IMMP2L: variants seen among roughly 807,000 people sequenced by gnomAD.
IMMP2L encodes the protein inner mitochondrial membrane peptidase subunit 2, also known as mitochondrial inner membrane protease subunit 2.
IMMP2L carries 18 observed loss-of-function variants against 19.3 expected under a neutral mutation model. The observed-to-expected ratio is 0.93, with a 90% CI of 0.64 to 1.38. The LOEUF (loss-of-function observed/expected upper bound fraction) is 1.38, where lower values mean the gene tolerates loss of function less well. Ranked by LOEUF, IMMP2L falls within the 40% of genes most tolerant of loss-of-function variation. The pLI is 0.00. For synonymous variants in IMMP2L, 76 were observed against 73.0 expected, an observed-to-expected ratio of 1.04 and a Z score of -0.21; for missense variants, 233 against 218.2, an observed-to-expected ratio of 1.07 and a Z score of -0.43.
chr7:111,387,142 T>C (rs902776522), intron 3 of IMMP2L, among the ~76,000 whole-genome samples: 31 of 152,316 alleles, frequency 2.0e-4, no homozygotes, highest in African/African-American at 7.2e-4. Context: ...TTTTCAAAAA[T>C]GATGAGGTTC....
At chr7:111,016,861 AATATATTAC>A (rs1825718926) in intron 3 of IMMP2L, among the ~76,000 whole-genome samples, 2 of 84,376 alleles carry the variant, frequency 2.4e-5, no homozygotes, top group African/African-American at 1.0e-4. Context: ...TATATTATAT[AATATATTAC>A]ATATAATATA....
intron 3 of IMMP2L, among the ~76,000 whole-genome samples, chr7:111,456,544 G>T (rs1039749458): frequency 4.6e-5 from 7 of 152,058 alleles, no homozygotes; most frequent in African/African-American, 1.7e-4. Context: ...GAACACTAAG[G>T]TCTTTTCCAA....
At chr7:111,427,543 T>C (rs959434965) in intron 3 of IMMP2L, among the ~76,000 whole-genome samples, 2 of 151,790 alleles carry the variant, frequency 1.3e-5, no homozygotes, top group Non-Finnish European at 2.9e-5. Flanking sequence ...CATTACCATA[T>C]TGAAATAGAA....
intron 3 of IMMP2L, among the ~76,000 whole-genome samples, chr7:111,110,347 T>A (rs926931163): frequency 1.3e-5 from 2 of 152,202 alleles, no homozygotes; most frequent in Non-Finnish European, 2.9e-5. Context: ...TATTCATTAT[T>A]ATGACAAAGT....
chr7:111,114,153 C>T (rs1274100813), intron 3 of IMMP2L, among the ~76,000 whole-genome samples: 1 of 152,002 alleles, frequency 6.6e-6, no homozygotes, highest in Non-Finnish European at 1.5e-5. Context: ...CACACACACA[C>T]ACACACACAT....
At chr7:111,340,303 TA>T (rs1826883057) in intron 3 of IMMP2L, among the ~76,000 whole-genome samples, 1 of 152,160 alleles carries the variant, frequency 6.6e-6, no homozygotes, top group South Asian at 2.1e-4. Flanking sequence ...GACAGCCTGA[TA>T]ATACATCCAT....
At chr7:111,549,569 C>G (rs1849251666) in intron 1 of IMMP2L, among the ~76,000 whole-genome samples, 2 of 152,126 alleles carry the variant, frequency 1.3e-5, no homozygotes, top group Non-Finnish European at 2.9e-5. Flanking sequence ...ATACATCAGA[C>G]AGGTCTCAAA....
At position 111,415,597 on chromosome 7, in the gene IMMP2L, T is replaced by G. The variant is rs1048189749; in HGVS notation, c.239+71641A>C. 4.6e-5 allele frequency among the ~76,000 whole-genome samples: 7 copies of G among 151,874 alleles called. 1 individual carries two copies. The highest frequency in any genetic ancestry group is 2.0e-4 in the Admixed American group (3 of 15,238). On this transcript the variant is annotated intron_variant, in intron 3 of 5. Transcript: ENST00000405709. ...ATTTTGTACATTTTGACAATTGAAG[T>G]GAATTTCATAGTCATAAAAATTTAC...
intron 5 of IMMP2L, among the ~76,000 whole-genome samples, chr7:110,834,148 A>G (rs1458793012): frequency 6.6e-6 from 1 of 152,130 alleles, no homozygotes; most frequent in Non-Finnish European, 1.5e-5. Flanking sequence ...ATTGTAATTT[A>G]TTTTTAAAGC....
At chr7:111,125,659 C>T (rs1801217791) in intron 3 of IMMP2L, among the ~76,000 whole-genome samples, 1 of 151,974 alleles carries the variant, frequency 6.6e-6, no homozygotes. Flanking sequence ...TAACTATTGA[C>T]AGAAACTCTA....
intron 1 of IMMP2L, among the ~76,000 whole-genome samples, chr7:111,551,427 A>G (rs1849442125): frequency 1.3e-5 from 2 of 152,050 alleles, no homozygotes; most frequent in Admixed American, 1.3e-4. Context: ...CGTACTATGT[A>G]TTACCAAAAA....
At chr7:110,837,139 G>A (rs1804566407) in intron 5 of IMMP2L, among the ~76,000 whole-genome samples, 1 of 152,022 alleles carries the variant, frequency 6.6e-6, no homozygotes, top group Non-Finnish European at 1.5e-5. Flanking sequence ...AATAAAACAT[G>A]ATACATTCAT....
At chr7:110,868,109 TG>T (rs1808164868) in intron 5 of IMMP2L, among the ~76,000 whole-genome samples, 1 of 85,930 alleles carries the variant, frequency 1.2e-5, no homozygotes, top group Admixed American at 1.2e-4. Context: ...ACCAGGTTCT[TG>T]TGAGGTTTGT....
At chr7:110,737,669 C>A (rs981395462) in intron 5 of IMMP2L, among the ~76,000 whole-genome samples, 4 of 152,200 alleles carry the variant, frequency 2.6e-5, no homozygotes, top group Non-Finnish European at 5.9e-5. Context: ...AATACTTAAC[C>A]AGTTGTCCCT....
At chr7:111,556,780 C>T (rs1791415195) in intron 1 of IMMP2L, among the ~76,000 whole-genome samples, 1 of 151,930 alleles carries the variant, frequency 6.6e-6, no homozygotes, top group African/African-American at 2.4e-5. Context: ...TACTTTTATC[C>T]GTATCTATGG....
rs1211177447 is a variant in IMMP2L, at chr7:110,803,774, G to A, written c.408+82819C>T. Among the ~76,000 whole-genome samples the A allele has an allele frequency of 1.3e-5, 2 of 151,976 alleles. No individual in the cohort carries two copies. The highest frequency in any genetic ancestry group is 2.9e-5 in the Non-Finnish European group (2 of 67,942). On this transcript the variant is annotated intron_variant, in intron 5 of 5. Transcript: ENST00000405709. This position sits in a 1 kb window ranked among gnomAD's most constrained non-coding sequence, Gnocchi z 4.2. ...AGTCATTCCTTGAAGGAACACCTGG[G>A]GAGTCAGAGTTACCAGTAGTTTTCA...
intron 3 of IMMP2L, among the ~76,000 whole-genome samples, chr7:111,171,529 T>C (rs1184492851): frequency 3.3e-5 from 5 of 151,746 alleles, no homozygotes; most frequent in Admixed American, 3.3e-4. Flanking sequence ...CATGATCAAA[T>C]TTCTTTTGCC....
At chr7:110,790,804 G>C (rs575426941) in intron 5 of IMMP2L, among the ~76,000 whole-genome samples, 1 of 151,864 alleles carries the variant, frequency 6.6e-6, no homozygotes, top group East Asian at 1.9e-4. Context: ...AAAATTCAGT[G>C]AGTAAATTCT....
chr7:111,223,675 T>C (rs114051364), intron 3 of IMMP2L, among the ~76,000 whole-genome samples: 47 of 152,214 alleles, frequency 3.1e-4, no homozygotes, highest in African/African-American at 1.1e-3. Context: ...TTCTCTGTAT[T>C]GTTTTGCCTT....
Sources: gnomAD v4.1 joint callset for allele counts (sites outside exome capture counted in the v4.1 genomes callset) on GRCh38, gnomAD v4.1.1 for gene constraint, Gnocchi (gnomAD v3.1) non-coding constraint, MANE v1.5 for transcripts, NCBI Gene and HGNC (gene_info 2026-07-23, HGNC 2026-07-21) for gene names.